The following WNK1 variants were observed in gnomAD, a reference collection of about 807,000 sequenced individuals.
WNK1 encodes the protein serine/threonine-protein kinase WNK1.
Under a neutral mutation model 222.8 loss-of-function variants are expected in WNK1, and 38 were observed. The ratio of observed to expected loss-of-function variants is 0.17; its 90% CI spans 0.13 to 0.22. The LOEUF (loss-of-function observed/expected upper bound fraction) is 0.22, where lower values mean the gene tolerates loss of function less well. WNK1 is among the 10% of genes least tolerant of loss of function. The pLI is 1.00. For missense variants in WNK1, 2,348 were observed against 2,918.4 expected (o/e 0.80, Z 4.50); for synonymous variants, 1,090 against 1,092.9 (o/e 1.00, Z 0.05).
chr12:805,169 A>G (rs1946260882), intron 1 of WNK1, among the ~76,000 whole-genome samples: 1 of 152,028 alleles, frequency 6.6e-6, no homozygotes, highest in South Asian at 2.1e-4. Flanking sequence ...ATTGTATGGT[A>G]ATTCTGTGTT....
intron 1 of WNK1, among the ~76,000 whole-genome samples, chr12:759,193 CA>C (rs1217294069): frequency 6.8e-6 from 1 of 146,874 alleles, no homozygotes; most frequent in African/African-American, 2.4e-5. Context: ...TAGCTGTACT[CA>C]ATTATCATTT....
intron 4 of WNK1, among the ~76,000 whole-genome samples, chr12:847,376 A>G (rs1411887989): frequency 6.6e-6 from 1 of 152,178 alleles, no homozygotes; most frequent in Non-Finnish European, 1.5e-5. Context: ...TTGTATGTAT[A>G]TATGATTTGA....
chr12:841,463 T>A (rs1949619672), intron 4 of WNK1, among the ~76,000 whole-genome samples: 1 of 152,218 alleles, frequency 6.6e-6, no homozygotes, highest in Non-Finnish European at 1.5e-5. Flanking sequence ...TAAATAATAT[T>A]CTATTGCATA....
chr12:770,857 G>T (rs1354523876), intron 1 of WNK1, among the ~76,000 whole-genome samples: 2 of 152,102 alleles, frequency 1.3e-5, no homozygotes, highest in African/African-American at 2.4e-5. Context: ...TGTTCTTTGA[G>T]AACTTTAATT....
intron 1 of WNK1, among the ~76,000 whole-genome samples, chr12:810,652 T>C (rs1946821562): frequency 6.6e-6 from 1 of 152,140 alleles, no homozygotes; most frequent in South Asian, 2.1e-4. Context: ...TTAAAAATAC[T>C]AAAATATGAG....
intron 2 of WNK1, among the ~76,000 whole-genome samples, chr12:816,101 C>T (rs1464070225): frequency 6.6e-6 from 1 of 152,000 alleles, no homozygotes; most frequent in Non-Finnish European, 1.5e-5. Flanking sequence ...TAGCCTGTGT[C>T]AAAAAACTGA....
At chr12:833,278 A>C (rs1948943658) in intron 4 of WNK1, among the ~76,000 whole-genome samples, 1 of 152,126 alleles carries the variant, frequency 6.6e-6, no homozygotes, top group Admixed American at 6.5e-5. Context: ...TACATTGTGA[A>C]TTTATTTTTT....
chr12:788,549 G>C (rs1944535909), intron 1 of WNK1, among the ~76,000 whole-genome samples: 1 of 152,168 alleles, frequency 6.6e-6, no homozygotes, highest in African/African-American at 2.4e-5. Context: ...CTGATACCCA[G>C]ACAGTATATC....
intron 1 of WNK1, among the ~76,000 whole-genome samples, chr12:811,392 T>G (rs1306770439): frequency 2.6e-5 from 4 of 152,138 alleles, no homozygotes; most frequent in Non-Finnish European, 5.9e-5. Flanking sequence ...ATTTAGGGTT[T>G]GTTTGTTGTC....
intron 1 of WNK1, among the ~76,000 whole-genome samples, chr12:755,579 ACTC>A (rs1401277120): frequency 6.6e-6 from 1 of 152,066 alleles, no homozygotes; most frequent in African/African-American, 2.4e-5. Flanking sequence ...AATTAAAACT[ACTC>A]ATTAATTTTA....
At chr12:893,057 C>A (rs1445448099) in intron 22 of WNK1, among the ~76,000 whole-genome samples, 2 of 152,076 alleles carry the variant, frequency 1.3e-5, no homozygotes, top group Non-Finnish European at 2.9e-5. Context: ...GATTTCGAGA[C>A]CAGCCTGGGC....
intron 8 of WNK1, among the ~76,000 whole-genome samples, chr12:863,722 A>G (rs1268004571): frequency 2.6e-5 from 4 of 152,186 alleles, no homozygotes; most frequent in Admixed American, 2.6e-4. Flanking sequence ...ACAGTATTCT[A>G]TGGAGGTATT....
intron 1 of WNK1, 30 bp from the exon 2 acceptor site, chr12:813,612 A>C (rs1473422942): frequency 1.2e-6 from 2 of 1,610,156 alleles, no homozygotes; most frequent in Non-Finnish European, 1.7e-6. Flanking sequence ...ATCATTTTAA[A>C]CCACATTCTG....
rs374183028 is a variant in WNK1, at chr12:861,002, T to C, written c.1621-11T>C. 4.7e-5 allele frequency: 76 copies of C among 1,613,246 alleles called. No individual in the cohort carries two copies. Among genetic ancestry groups the C allele is most frequent in the Non-Finnish European group, 6.1e-5 (72 of 1,179,678 alleles). On this transcript the variant is annotated splice_polypyrimidine_tract_variant and intron_variant, in intron 6 of 27. Transcript: ENST00000315939. ...ATATACTACTGCTTAATTTACCCTT[T>C]TATTCTGTAGGTAGAGTCTGGGTAT...
At position 902,763 on chromosome 12, in the gene WNK1, C is replaced by T. The variant is rs887568309; in HGVS notation, c.6643+2093C>T. 2.6e-5 allele frequency among the ~76,000 whole-genome samples: 4 copies of T among 152,202 alleles called. No individual in the cohort carries two copies. In the South Asian group the frequency reaches 6.2e-4, roughly 24 times the overall value. ...AGATCATGTACAGAGAAACAGGTAG[C>T]GCTTGAAAAGCACTCATGGTTTCTC... is the stretch of plus-strand genomic sequence containing the variant. On this transcript the variant is annotated intron_variant, in intron 26 of 27. Coordinates refer to ENST00000315939, the MANE Select transcript of WNK1 (RefSeq NM_018979.4).
intron 1 of WNK1, among the ~76,000 whole-genome samples, chr12:803,945 A>G (rs1946113119): frequency 6.6e-6 from 1 of 152,232 alleles, no homozygotes; most frequent in Non-Finnish European, 1.5e-5. Flanking sequence ...AACAATATTA[A>G]TGCAGACAAC....
In WNK1 at chr12:793,174, C is replaced by T. The variant is rs1945004081; in HGVS notation, c.760-20468C>T. Reference sequence around the variant, plus strand: ...TTTAGAGAATAACATCTTCATGTGGCCTAGTAAAAATGACTGTTACCAAAT... The same window carrying T: ...TTTAGAGAATAACATCTTCATGTGGTCTAGTAAAAATGACTGTTACCAAAT... On this transcript the variant is annotated intron_variant, in intron 1 of 27. Transcript: ENST00000315939. Among the ~76,000 whole-genome samples, 3 of 152,062 alleles carry T rather than the reference C, an allele frequency of 2.0e-5. No homozygotes were observed. In the South Asian group the frequency reaches 6.2e-4, roughly 31 times the overall value.
chr12:789,185 T>G (rs1944608134), intron 1 of WNK1, among the ~76,000 whole-genome samples: 1 of 152,112 alleles, frequency 6.6e-6, no homozygotes, highest in Admixed American at 6.6e-5. Flanking sequence ...AAAGTAGTTG[T>G]TTGTTGATGG....
At chr12:823,035 C>T (rs766651470) in intron 2 of WNK1, among the ~76,000 whole-genome samples, 9 of 152,180 alleles carry the variant, frequency 5.9e-5, no homozygotes, top group East Asian at 1.9e-4. Flanking sequence ...ATATATAATT[C>T]GTGGTTGGCA....
Sources: gnomAD v4.1 joint callset for allele counts (sites outside exome capture counted in the v4.1 genomes callset) on GRCh38, gnomAD v4.1.1 for gene constraint, MANE v1.5 for transcripts, NCBI Gene and HGNC (gene_info 2026-07-23, HGNC 2026-07-21) for gene names.